TKT: variants seen among roughly 807,000 people sequenced by gnomAD.
TKT encodes the protein transketolase.
TKT carries 47 observed loss-of-function variants against 63.9 expected under a neutral mutation model. The observed-to-expected ratio is 0.74, with a 90% CI of 0.58 to 0.94. The LOEUF is 0.94. Ranked by LOEUF, TKT falls within the 40% of genes least tolerant of loss-of-function variation. The pLI is 0.00. For missense variants in TKT, 721 were observed against 846.2 expected, an observed-to-expected ratio of 0.85 and a Z score of 1.84; for synonymous variants, 338 against 334.1, an observed-to-expected ratio of 1.01 and a Z score of -0.13.
intron 6 of TKT, 94 bp from the exon 7 acceptor site, chr3:53,231,644 C>T (rs551613216): frequency 1.1e-5 from 14 of 1,331,266 alleles, no homozygotes; most frequent in African/African-American, 4.4e-5. Context: ...CTCTACCTGC[C>T]GAGGGCAAGG....
At chr3:53,254,848 T>C (rs115351383) in intron 1 of TKT, among the ~76,000 whole-genome samples, 1 of 152,304 alleles carries the variant, frequency 6.6e-6, no homozygotes, top group African/African-American at 2.4e-5. Context: ...ATTATCCCTG[T>C]CTCCGCTACA....
In TKT at chr3:53,229,055, A is replaced by T. The variant is rs1467904258; in HGVS notation, c.1347T>A (p.Ser449Arg). The change falls in exon 10 of 14, where the codon AGT becomes AGA. Residue 449 changes from serine to arginine, a missense_variant. Coordinates refer to ENST00000462138, the MANE Select transcript of TKT (RefSeq NM_001064.4). Reference protein sequence around the residue: ...SVPTSTVFYPSDGVATEKAVE... With the variant: ...SVPTSTVFYPRDGVATEKAVE... Reference sequence around the variant, plus strand: ...CTGCCTTCTCTGTAGCAACGCCATCACTTGGGTAAAAGACAGTTGATGTGG... The same window carrying T: ...CTGCCTTCTCTGTAGCAACGCCATCTCTTGGGTAAAAGACAGTTGATGTGG... 1 of 1,614,020 alleles carries T rather than the reference A, an allele frequency of 6.2e-7. No homozygotes were observed. The highest frequency in any genetic ancestry group is 8.5e-7 in the Non-Finnish European group (1 of 1,180,018).
rs782422333 is a variant in TKT, at chr3:53,242,233, C to T, written c.117G>A (p.Thr39=). The change falls in exon 2 of 14, where the codon ACG becomes ACA. Residue 39 remains threonine, a synonymous_variant. Transcript: ENST00000462138. The part of the protein sequence containing the change: ...ATTAAGSGHP[T]SCCSAAEIMA... The stretch of plus-strand genomic sequence containing the variant: ...TGATCTCTGCGGCGCTGCAGCATGA[C>T]GTGGGGTGGCTGTGGCCCAGGAGAG... 6.4e-5 allele frequency: 103 copies of T among 1,613,818 alleles called. No homozygotes were observed. Among genetic ancestry groups the T allele is most frequent in the Non-Finnish European group, 7.7e-5 (91 of 1,179,976 alleles).
At chr3:53,230,795 T>C (rs950590285) in intron 7 of TKT, among the ~76,000 whole-genome samples, 174 bp from the exon 8 acceptor site, 1 of 139,482 alleles carries the variant, frequency 7.2e-6, no homozygotes, top group Non-Finnish European at 1.5e-5. Context: ...CTACGGTCAA[T>C]GTCTTGGGAG....
intron 1 of TKT, among the ~76,000 whole-genome samples, chr3:53,243,276 T>C (rs1461703255): frequency 6.6e-6 from 1 of 151,962 alleles, no homozygotes; most frequent in Non-Finnish European, 1.5e-5. Flanking sequence ...AGGGTTTTGT[T>C]AAAAGTTCAG....
chr3:53,231,605 G>T, intron 6 of TKT, 55 bp from the exon 7 acceptor site: 2 of 1,545,414 alleles, frequency 1.3e-6, no homozygotes, highest in South Asian at 1.2e-5. Flanking sequence ...GCTCCCAGAG[G>T]GCCAGGAGGC....
chr3:53,235,353 C>T, intron 4 of TKT, 179 bp from the exon 5 acceptor site: 1 of 530,508 alleles, frequency 1.9e-6, no homozygotes, highest in East Asian at 3.1e-5. Context: ...CAGCCTACCA[C>T]AAGCCACACC....
At position 53,241,149 on chromosome 3, in the gene TKT, C is replaced by G; in HGVS notation, c.322G>C (p.Asp108His). Reference protein sequence around the residue: ...LNLRKISSDLDGHPVPKQAFT... With the variant: ...LNLRKISSDLHGHPVPKQAFT... ...GCACTTACCGGGACCGGGTGCCCGT[C>G]CAAGTCGGAGCTGATCTTCCTCAGG... The change falls in exon 3 of 14, where the codon GAC (aspartate) becomes CAC (histidine). Residue 108 changes from aspartate to histidine, a missense_variant. Asp to His is a moderately conservative substitution (Grantham distance 81). Coordinates refer to ENST00000462138, the MANE Select transcript of TKT (RefSeq NM_001064.4). The G allele has an allele frequency of 6.4e-7, 1 of 1,566,618 alleles. No homozygotes were observed. Among genetic ancestry groups the G allele is most frequent in the Non-Finnish European group, 8.6e-7 (1 of 1,163,456 alleles).
At chr3:53,236,872 G>A (rs1346865369) in intron 4 of TKT, among the ~76,000 whole-genome samples, 4 of 152,232 alleles carry the variant, frequency 2.6e-5, no homozygotes, top group Non-Finnish European at 5.9e-5. Flanking sequence ...ACAGGAGCCT[G>A]GGCTAACCCT....
rs1559650731 is a variant in TKT at position 53,235,182 on chromosome 3, C to T, written c.438-8G>A. The stretch of plus-strand genomic sequence containing the variant: ...AAGCAATAGACTCGGTAGCTGTGGA[C>T]AGAGAGTGAATCAGGCCAGTCCCTC... On this transcript the variant is annotated splice_region_variant and splice_polypyrimidine_tract_variant and intron_variant, in intron 4 of 13. Transcript: ENST00000462138. The T allele has an allele frequency of 1.2e-6, 2 of 1,604,576 alleles. No homozygotes were observed. Among genetic ancestry groups the T allele is most frequent in the Non-Finnish European group, 1.7e-6 (2 of 1,174,530 alleles).
chr3:53,255,153 A>G lies in TKT; in HGVS notation c.107+683T>C, dbSNP rs553317561. Among the ~76,000 whole-genome samples the G allele has an allele frequency of 2.2e-3, 327 of 151,996 alleles. 1 individual carries two copies. Among genetic ancestry groups the G allele is most frequent in the Non-Finnish European group, 3.0e-3 (201 of 67,946 alleles). On this transcript the variant is annotated intron_variant, in intron 1 of 13. Transcript: ENST00000462138. ...ACCGCCCTCCTCCCCTCTTCCCCCA[A>G]TCAGCCCCGCCGCTGCCTGGCGTCT...
intron 6 of TKT, chr3:53,232,692 C>T: frequency 2.5e-6 from 1 of 398,410 alleles, no homozygotes; most frequent in East Asian, 3.6e-5. Context: ...TTGGCCCACA[C>T]AGGCCTTGCT....
At chr3:53,226,627 C>A in intron 13 of TKT, 129 bp downstream of exon 13, 5 of 1,375,992 alleles carry the variant, frequency 3.6e-6, no homozygotes, top group Non-Finnish European at 5.0e-6. Flanking sequence ...GTCCCAGCTG[C>A]TCTGAGGGAC....
intron 4 of TKT, among the ~76,000 whole-genome samples, chr3:53,236,266 A>G (rs545422658): frequency 6.6e-6 from 1 of 152,324 alleles, no homozygotes; most frequent in South Asian, 2.1e-4. Flanking sequence ...TCAGCAGTCC[A>G]AGCCTCCAGG....
intron 4 of TKT, among the ~76,000 whole-genome samples, chr3:53,238,907 A>G (rs1347943754): frequency 6.6e-6 from 1 of 152,244 alleles, no homozygotes; most frequent in African/African-American, 2.4e-5. Context: ...CAAAGGGCAA[A>G]GGAACCCTTC....
intron 1 of TKT, among the ~76,000 whole-genome samples, chr3:53,243,375 C>T (rs934130777): frequency 5.9e-5 from 9 of 151,980 alleles, no homozygotes; most frequent in African/African-American, 2.2e-4. Context: ...AGAGGTCCTT[C>T]ACACGAAGAC....
At position 53,228,313 on chromosome 3, in the gene TKT, T is replaced by A. The variant is rs782787291; in HGVS notation, c.1442A>T (p.Tyr481Phe). The change falls in exon 11 of 14, where the codon TAT becomes TTT. Residue 481 changes from tyrosine to phenylalanine, a missense_variant. Physicochemically the swap from Tyr to Phe is conservative, Grantham distance 22. Transcript: ENST00000462138. ...RTSRPENAII[Y>F]NNNEDFQVGQ... is the part of the protein sequence containing the mutation. ...GACCTGGAAGTCCTCATTGTTGTTA[T>A]AGATGATGGCATTTTCTGGGCGGCT... 1.9e-6 allele frequency: 3 copies of A among 1,614,196 alleles called. No homozygotes were observed. The South Asian group carries it at 3.3e-5, about 18-fold the overall frequency.
chr3:53,245,871 T>C (rs369967521), intron 1 of TKT, among the ~76,000 whole-genome samples: 14 of 152,250 alleles, frequency 9.2e-5, no homozygotes, highest in African/African-American at 3.4e-4. Context: ...GCATTAAAAA[T>C]AAACCAGATC....
In TKT at chr3:53,255,865, G is replaced by A; in HGVS notation, c.78C>T (p.Ser26=). The A allele has an allele frequency of 6.5e-7, 1 of 1,545,934 alleles. No individual in the cohort carries two copies. The highest frequency in any genetic ancestry group is 8.7e-7 in the Non-Finnish European group (1 of 1,146,904). Reference sequence around the variant, plus strand: ...AGCCCGCCGCAGTGGTGGCCTGGATGGAGCTGATACGTAGGCGGTTGGCCG... The same window carrying A: ...AGCCCGCCGCAGTGGTGGCCTGGATAGAGCTGATACGTAGGCGGTTGGCCG... ...KDTANRLRIS[S]IQATTAAGSG... is the part of the protein sequence containing the mutation. Residue 26 remains serine, a synonymous_variant, in exon 1 of 14, where the codon TCC becomes TCT. Coordinates refer to ENST00000462138, the MANE Select transcript of TKT (RefSeq NM_001064.4).
Sources: gnomAD v4.1 joint callset for allele counts (sites outside exome capture counted in the v4.1 genomes callset) on GRCh38, gnomAD v4.1.1 for gene constraint, MANE v1.5 for transcripts, NCBI Gene and HGNC (gene_info 2026-07-23, HGNC 2026-07-21) for gene names.